Variants in CPM observed in about 807,000 individuals in gnomAD.
CPM encodes the protein carboxypeptidase M.
A neutral mutation model predicts 46.4 loss-of-function variants in CPM; 35 were observed. The observed-to-expected ratio is 0.75, with a 90% CI of 0.58 to 1.00. The LOEUF is 1.00. Among genes scored for constraint, CPM ranks in the 50% least tolerant of loss-of-function variants. The probability of loss-of-function intolerance (pLI) is 0.00; values close to 1 mark genes in which losing one functional copy is unlikely to be tolerated. For synonymous variants in CPM, 195 were observed against 195.3 expected (o/e 1.00, Z 0.01); for missense variants, 422 against 530.4 (o/e 0.80, Z 2.01).
At chr12:68,902,636 A>C (rs1429200338) in intron 2 of CPM, among the ~76,000 whole-genome samples, 1 of 152,214 alleles carries the variant, frequency 6.6e-6, no homozygotes, top group Non-Finnish European at 1.5e-5. Flanking sequence ...TAAAATACAG[A>C]TATTTTACAT....
intron 7 of CPM, among the ~76,000 whole-genome samples, chr12:68,866,588 C>T (rs550949965): frequency 4.6e-5 from 7 of 152,322 alleles, no homozygotes; most frequent in African/African-American, 1.4e-4. Flanking sequence ...AGGTGATACA[C>T]CTGCCTCGGC....
At chr12:68,859,719 T>C (rs191243358) in intron 7 of CPM, among the ~76,000 whole-genome samples, 1 of 152,352 alleles carries the variant, frequency 6.6e-6, no homozygotes, top group East Asian at 1.9e-4. Flanking sequence ...AGGCTCTGGC[T>C]TATTAAAATA....
chr12:68,920,836 G>A (rs1888009809), intron 2 of CPM, among the ~76,000 whole-genome samples: 1 of 150,656 alleles, frequency 6.6e-6, no homozygotes. Context: ...GATTACAGGT[G>A]TGCACCACCA....
At chr12:68,921,582 T>A (rs1406408535) in intron 2 of CPM, among the ~76,000 whole-genome samples, 1 of 152,174 alleles carries the variant, frequency 6.6e-6, no homozygotes, top group South Asian at 2.1e-4. Flanking sequence ...GGCTAGCCAG[T>A]GAATAATTCA....
At chr12:68,948,782 T>C (rs554249261) in intron 1 of CPM, among the ~76,000 whole-genome samples, 51 of 152,332 alleles carry the variant, frequency 3.3e-4, no homozygotes, top group African/African-American at 1.2e-3. Context: ...AAAGTCTTGC[T>C]AGACTCCTGC....
chr12:68,887,948 A>G (rs1282912734), intron 2 of CPM, among the ~76,000 whole-genome samples: 1 of 152,190 alleles, frequency 6.6e-6, no homozygotes, highest in Non-Finnish European at 1.5e-5. Context: ...CATTTGATTA[A>G]CCAATTTCAT....
At chr12:68,860,910 T>C (rs1035979430) in intron 7 of CPM, among the ~76,000 whole-genome samples, 1 of 152,012 alleles carries the variant, frequency 6.6e-6, no homozygotes, top group Non-Finnish European at 1.5e-5. Flanking sequence ...AGACAGGGTC[T>C]TGCTCTGTCA....
chr12:68,942,004 T>C (rs1478759098), intron 1 of CPM, among the ~76,000 whole-genome samples: 1 of 152,372 alleles, frequency 6.6e-6, no homozygotes, highest in East Asian at 1.9e-4. Flanking sequence ...CCACGGGTGA[T>C]GTCTAAACAG....
Position 68,947,521 on chromosome 12 carries a change from T to C in CPM, c.-3-14681A>G, listed in dbSNP as rs577560494. 2.8e-4 allele frequency among the ~76,000 whole-genome samples: 42 copies of C among 151,524 alleles called. No individual in the cohort carries two copies. The East Asian group carries it at 8.2e-3, about 30-fold the overall frequency. ...CTGAGGCAGAAGAATCACTTGAACC[T>C]GGGAGGCGGAGCTTGCAGTGAGCTG... On this transcript the variant is annotated intron_variant, in intron 1 of 8. Transcript: ENST00000546373.
intron 2 of CPM, among the ~76,000 whole-genome samples, chr12:68,910,986 G>T (rs1887571853): frequency 6.6e-6 from 1 of 152,120 alleles, no homozygotes; most frequent in Non-Finnish European, 1.5e-5. Context: ...AAAATACCTT[G>T]TTTTTCTCTG....
Position 68,941,498 on chromosome 12 carries a change from C to T in CPM, c.-3-8658G>A, listed in dbSNP as rs146213678. 8.5e-5 allele frequency among the ~76,000 whole-genome samples: 13 copies of T among 152,104 alleles called. No individual in the cohort carries two copies. In the East Asian group the frequency reaches 2.3e-3, roughly 27 times the overall value. On this transcript the variant is annotated intron_variant, in intron 1 of 8. Transcript: ENST00000546373. ...AAGTAATCCTCCCACCTGAGCCTCC[C>T]GGGTAGCTGGGACTACAGGTGTGTA...
At chr12:68,920,753 C>T (rs529753690) in intron 2 of CPM, among the ~76,000 whole-genome samples, 1 of 147,552 alleles carries the variant, frequency 6.8e-6, no homozygotes, top group African/African-American at 2.5e-5. Flanking sequence ...TACAGTGGCA[C>T]AGTCTCGGCT....
intron 2 of CPM, among the ~76,000 whole-genome samples, chr12:68,928,454 G>A (rs977127777): frequency 6.6e-6 from 1 of 152,172 alleles, no homozygotes; most frequent in Non-Finnish European, 1.5e-5. Flanking sequence ...ATCTGAGTTT[G>A]AATCTTCTAA....
chr12:68,872,180 A>G (rs1885730643), intron 3 of CPM, among the ~76,000 whole-genome samples: 1 of 151,562 alleles, frequency 6.6e-6, no homozygotes, highest in Admixed American at 6.6e-5. Context: ...GAGTGAAAGT[A>G]CCTATTTGTA....
At chr12:68,948,344 A>C (rs1320842565) in intron 1 of CPM, among the ~76,000 whole-genome samples, 1 of 152,306 alleles carries the variant, frequency 6.6e-6, no homozygotes, top group East Asian at 1.9e-4. Flanking sequence ...TGAGGGCCTG[A>C]GGGGGTAGGC....
At chr12:68,945,599 A>G (rs901967084) in intron 1 of CPM, among the ~76,000 whole-genome samples, 53 of 152,206 alleles carry the variant, frequency 3.5e-4, no homozygotes, top group African/African-American at 7.5e-4. Flanking sequence ...TGGGTCCCCA[A>G]TGTTGGTATA....
rs117246380 is a variant in CPM at position 68,928,706 on chromosome 12, A to G, written c.160+3972T>C. Among the ~76,000 whole-genome samples, 953 of 152,138 alleles carry G rather than the reference A, an allele frequency of 6.3e-3. 7 individuals are homozygous for G. Among genetic ancestry groups the G allele is most frequent in the Non-Finnish European group, 9.1e-3 (619 of 68,020 alleles). On this transcript the variant is annotated intron_variant, in intron 2 of 8. Coordinates refer to ENST00000551568, the MANE Select transcript of CPM (RefSeq NM_198320.5). The stretch of plus-strand genomic sequence containing the variant: ...ATCCCGCCTACTGTATTCAGATACA[A>G]TGATGATCAGACTTAGCAGGAGGCA...
intron 2 of CPM, among the ~76,000 whole-genome samples, chr12:68,902,834 T>C (rs1399192771): frequency 1.3e-5 from 2 of 152,212 alleles, no homozygotes; most frequent in African/African-American, 4.8e-5. Context: ...CTTCTATTAC[T>C]ACCTCAGAGG....
chr12:68,934,187 C>T (rs1159388476), upstream of CPM, among the ~76,000 whole-genome samples: 6 of 151,946 alleles, frequency 3.9e-5, no homozygotes. Context: ...TATTGGGGGC[C>T]CGTGTCAAGG....
Sources: allele counts gnomAD v4.1 joint callset (sites outside exome capture counted in the v4.1 genomes callset), GRCh38; gene constraint gnomAD v4.1.1; transcripts MANE v1.5; gene names NCBI Gene and HGNC (gene_info 2026-07-23, HGNC 2026-07-21).